The following RALA variants were observed in gnomAD, a reference collection of about 807,000 sequenced individuals.
RALA encodes the protein RAS like proto-oncogene A.
A neutral mutation model predicts 24.0 loss-of-function variants in RALA; 5 were observed. That is an observed-to-expected ratio of 0.21 (90% confidence interval 0.11 to 0.44). RALA has a LOEUF of 0.44. RALA is among the 20% of genes least tolerant of loss of function. The probability of loss-of-function intolerance (pLI) is 0.99; values close to 1 mark genes in which losing one functional copy is unlikely to be tolerated. For synonymous variants in RALA, 77 were observed against 83.8 expected, an observed-to-expected ratio of 0.92 and a Z score of 0.44; for missense variants, 95 against 241.2, an observed-to-expected ratio of 0.39 and a Z score of 4.01.
intron 1 of RALA, among the ~76,000 whole-genome samples, chr7:39,684,031 C>A (rs769412562): frequency 1.4e-4 from 22 of 152,150 alleles, no homozygotes. Flanking sequence ...TTTAGGAACA[C>A]CAGCAACAGC....
chr7:39,685,463 G>A (rs1792681413), intron 1 of RALA, among the ~76,000 whole-genome samples: 1 of 152,174 alleles, frequency 6.6e-6, no homozygotes, highest in South Asian at 2.1e-4. Flanking sequence ...GACAAGGGGT[G>A]CAACCCCCTC....
intron 1 of RALA, among the ~76,000 whole-genome samples, chr7:39,657,778 T>C (rs561696461): frequency 6.6e-6 from 1 of 152,314 alleles, no homozygotes; most frequent in East Asian, 1.9e-4. Context: ...AAAAAAATGT[T>C]AATGAAATGC....
intron 1 of RALA, among the ~76,000 whole-genome samples, chr7:39,637,991 A>G (rs989663663): frequency 2.6e-5 from 4 of 152,220 alleles, no homozygotes; most frequent in Admixed American, 2.0e-4. Flanking sequence ...TGTAACACCT[A>G]AGAAAATTAG....
intron 1 of RALA, among the ~76,000 whole-genome samples, chr7:39,661,210 A>C (rs1322788273): frequency 1.3e-5 from 2 of 152,176 alleles, no homozygotes; most frequent in Non-Finnish European, 2.9e-5. Context: ...GAATCATGGG[A>C]GCTACAATTC....
At position 39,679,979 on chromosome 7, in the gene RALA, G is replaced by A. The variant is rs541935560; in HGVS notation, c.-37-6652G>A. Among the ~76,000 whole-genome samples the A allele has an allele frequency of 1.1e-3, 173 of 152,198 alleles. 1 individual carries two copies. Among genetic ancestry groups the A allele is most frequent in the African/African-American group, 3.9e-3 (162 of 41,542 alleles). ...CTCCCAAAGTGCTGGAATTACAGGC[G>A]TGAGCCACCGCGCCTGGCCAGAAAT... On this transcript the variant is annotated intron_variant, in intron 1 of 4. Transcript: ENST00000005257.
At chr7:39,637,894 A>T (rs1791711721) in intron 1 of RALA, among the ~76,000 whole-genome samples, 1 of 152,190 alleles carries the variant, frequency 6.6e-6, no homozygotes, top group African/African-American at 2.4e-5. Flanking sequence ...TTTGAAAGTA[A>T]GTTGGAGAAA....
chr7:39,667,055 T>G (rs534936807), intron 1 of RALA, among the ~76,000 whole-genome samples: 2 of 152,348 alleles, frequency 1.3e-5, no homozygotes, highest in South Asian at 2.1e-4. Flanking sequence ...ACTCCCACTC[T>G]TTTTGATGCC....
intron 1 of RALA, among the ~76,000 whole-genome samples, chr7:39,649,608 C>T (rs370392585): frequency 6.6e-6 from 1 of 152,164 alleles, no homozygotes; most frequent in African/African-American, 2.4e-5. Context: ...GATGATGGTC[C>T]TCACCAGACA....
At chr7:39,645,338 G>C (rs984792157) in intron 1 of RALA, among the ~76,000 whole-genome samples, 3 of 152,122 alleles carry the variant, frequency 2.0e-5, no homozygotes, top group Non-Finnish European at 4.4e-5. Flanking sequence ...GGTTCAGAAA[G>C]AACATTTCGT....
At chr7:39,687,755 G>T (rs577487737) in intron 2 of RALA, among the ~76,000 whole-genome samples, 1 of 152,130 alleles carries the variant, frequency 6.6e-6, no homozygotes, top group African/African-American at 2.4e-5. Context: ...CTTAGTCCTC[G>T]TAACAATCTT....
chr7:39,641,351 T>C (rs370575895), intron 1 of RALA, among the ~76,000 whole-genome samples: 33 of 152,326 alleles, frequency 2.2e-4, no homozygotes, highest in African/African-American at 7.7e-4. Flanking sequence ...GAAACAAACA[T>C]ATATGATACT....
At chr7:39,656,756 A>G (rs1792103259) in intron 1 of RALA, among the ~76,000 whole-genome samples, 1 of 152,322 alleles carries the variant, frequency 6.6e-6, no homozygotes, top group East Asian at 1.9e-4. Context: ...GTTACTAAGT[A>G]AAACAAACAT....
intron 1 of RALA, among the ~76,000 whole-genome samples, chr7:39,631,016 T>G (rs1190210017): frequency 6.6e-6 from 1 of 151,668 alleles, no homozygotes; most frequent in Non-Finnish European, 1.5e-5. Flanking sequence ...TTTTTGTTTT[T>G]TTTTTTTTTG....
At chr7:39,636,037 A>G (rs1404069370) in intron 1 of RALA, among the ~76,000 whole-genome samples, 1 of 152,218 alleles carries the variant, frequency 6.6e-6, no homozygotes, top group East Asian at 1.9e-4. Flanking sequence ...GCATGCGGCA[A>G]TACTTCATTT....
At chr7:39,701,246 C>G (rs1210169945) in intron 4 of RALA, among the ~76,000 whole-genome samples, 1 of 152,148 alleles carries the variant, frequency 6.6e-6, no homozygotes, top group African/African-American at 2.4e-5. Context: ...CAGGTGCCAC[C>G]ACACCTATAA....
Position 39,706,300 on chromosome 7 carries a change from G to A in RALA, c.*55G>A. The A allele has an allele frequency of 6.5e-7, 1 of 1,530,630 alleles. No individual in the cohort carries two copies. 94.8% of individuals were successfully genotyped at this position (1,530,630 alleles called of 1,614,324 possible). On this transcript the variant is annotated 3_prime_UTR_variant, in exon 5 of 5. Coordinates refer to ENST00000005257, the MANE Select transcript of RALA (RefSeq NM_005402.4). ...CCATACTAATAAATATAATTTATAA[G>A]CATTGCCATTGAAGGCTTAATTGAC... is the stretch of plus-strand genomic sequence containing the variant.
intron 1 of RALA, among the ~76,000 whole-genome samples, chr7:39,674,034 A>G (rs1206539401): frequency 7.3e-6 from 1 of 137,010 alleles, no homozygotes; most frequent in Non-Finnish European, 1.5e-5. Context: ...GACTACAGGC[A>G]TGCACTGTAA....
chr7:39,667,488 G>A (rs1313948799), intron 1 of RALA, among the ~76,000 whole-genome samples: 1 of 152,250 alleles, frequency 6.6e-6, no homozygotes, highest in African/African-American at 2.4e-5. Flanking sequence ...GATTGATGAA[G>A]CAGGGCGAAG....
chr7:39,676,734 C>T (rs185428018), intron 1 of RALA, among the ~76,000 whole-genome samples: 1 of 152,270 alleles, frequency 6.6e-6, no homozygotes, highest in East Asian at 1.9e-4. Context: ...TGACACCTTA[C>T]TTGGTAGAGT....
Sources: allele counts gnomAD v4.1 joint callset (sites outside exome capture counted in the v4.1 genomes callset), GRCh38; gene constraint gnomAD v4.1.1; transcripts MANE v1.5; gene names NCBI Gene and HGNC (gene_info 2026-07-23, HGNC 2026-07-21).